The following FBXO33 variants were observed in gnomAD, a reference collection of about 807,000 sequenced individuals.
The protein encoded by FBXO33 is F-box protein 33, also known as F-box only protein 33.
In FBXO33, 22 loss-of-function variants were observed where a neutral mutation model predicts 46.3. The observed-to-expected ratio is 0.48, with a 90% CI of 0.34 to 0.68. The LOEUF (loss-of-function observed/expected upper bound fraction) is 0.68, where lower values mean the gene tolerates loss of function less well. Ranked by LOEUF, FBXO33 falls within the 30% of genes least tolerant of loss-of-function variation. The pLI, the probability that FBXO33 is intolerant of heterozygous loss-of-function variation, is 0.01. For synonymous variants in FBXO33, 337 were observed against 291.3 expected (o/e 1.16, Z -1.60); for missense variants, 692 against 708.8 (o/e 0.98, Z 0.27).
chr14:39,418,035 T>A (rs866235588), intron 1 of FBXO33, among the ~76,000 whole-genome samples: 4 of 143,616 alleles, frequency 2.8e-5, no homozygotes, highest in Admixed American at 6.7e-5. Flanking sequence ...TCTGGTGGAC[T>A]TTTTTTTTGT....
chr14:39,399,777 C>T lies in FBXO33; in HGVS notation c.1407G>A (p.Val469=). 6.3e-7 allele frequency: 1 copy of T among 1,591,298 alleles called. No homozygotes were observed. The highest frequency in any genetic ancestry group is 2.2e-5 in the East Asian group (1 of 44,512). ...CAATGGCAATGAGGTTGTGTGCCCA[C>T]ACCGTGTAACCTGAAAAATAAACAA... ...LSLLAIHGYT[V]WAHNLIAIAR... The change falls in exon 4 of 4, where the codon GTG becomes GTA. Residue 469 remains valine, a synonymous_variant. Coordinates refer to ENST00000298097, the MANE Select transcript of FBXO33 (RefSeq NM_203301.4).
At chr14:39,414,060 A>T (rs930962396) in intron 1 of FBXO33, among the ~76,000 whole-genome samples, 4 of 152,208 alleles carry the variant, frequency 2.6e-5, no homozygotes, top group Non-Finnish European at 2.9e-5. Flanking sequence ...TCTAGCTATC[A>T]AAGTCCTAGA....
intron 1 of FBXO33, among the ~76,000 whole-genome samples, chr14:39,417,600 G>A (rs2075454967): frequency 6.6e-6 from 1 of 151,312 alleles, no homozygotes; most frequent in African/African-American, 2.4e-5. Flanking sequence ...GCACGATCTT[G>A]GCTCACTGCA....
intron 1 of FBXO33, among the ~76,000 whole-genome samples, chr14:39,421,776 C>T (rs529072275): frequency 9.5e-6 from 1 of 104,938 alleles, no homozygotes; most frequent in Admixed American, 1.2e-4. Context: ...TATTTGAGTA[C>T]AAATCACACA....
chr14:39,422,515 G>C (rs1167400193), intron 1 of FBXO33, among the ~76,000 whole-genome samples: 1 of 152,202 alleles, frequency 6.6e-6, no homozygotes, highest in Non-Finnish European at 1.5e-5. Context: ...AAGAGTAAAA[G>C]TCAAAGTCCT....
intron 1 of FBXO33, among the ~76,000 whole-genome samples, chr14:39,403,803 CTTTT>C (rs36096381): frequency 7.2e-6 from 1 of 138,488 alleles, no homozygotes; most frequent in Non-Finnish European, 1.6e-5. Context: ...AATACCATTT[CTTTT>C]TTTTTTTTTT....
chr14:39,427,990 T>C (rs912927027), intron 1 of FBXO33, among the ~76,000 whole-genome samples: 1 of 152,084 alleles, frequency 6.6e-6, no homozygotes, highest in Non-Finnish European at 1.5e-5. Context: ...TAGGAAACAA[T>C]ACAAAGGTAA....
chr14:39,401,736 G>T lies in FBXO33; in HGVS notation c.836C>A (p.Thr279Asn), dbSNP rs1365419766. The change falls in exon 3 of 4, where the codon ACC (threonine) becomes AAC (asparagine). Residue 279 changes from threonine to asparagine, a missense_variant. By Grantham distance (65) the Thr-to-Asn change is moderately conservative (BLOSUM62 0). This residue lies in a region of FBXO33 where 412 missense variants were observed against 370.8 expected (regional missense o/e 1.11). Transcript: ENST00000298097. The stretch of plus-strand genomic sequence containing the variant: ...GTCCAGTAAACTGAGGTGCTCCATG[G>T]TGTTGGCAACAGCATTAGAGAGAGA... ...LSSLSNAVAN[T>N]MEHLSLLDNN... is the part of the protein sequence containing the mutation. 3 of 1,614,188 alleles carry T rather than the reference G, an allele frequency of 1.9e-6. No homozygotes were observed. The Admixed American group carries it at 5.0e-5, about 27-fold the overall frequency.
In FBXO33 at chr14:39,398,085, A is replaced by ATATC. The variant is rs1436956020; in HGVS notation, c.*1427_*1430dup. On this transcript the variant is annotated 3_prime_UTR_variant, in exon 4 of 4. Transcript: ENST00000298097. ...TAAACTTTTTTCCATAAATAGAATC[A>ATATC]TATCTGGACATCTGTTGCATAAATT... 1.3e-5 allele frequency: 2 copies of ATATC among 152,686 alleles called. No individual in the cohort carries two copies. Among genetic ancestry groups the ATATC allele is most frequent in the African/African-American group, 4.8e-5 (2 of 41,478 alleles). The allele number at this position is 152,686 out of a possible 1,614,324, so 9.5% of individuals were successfully genotyped here.
Position 39,431,921 on chromosome 14 carries a change from G to C in FBXO33, c.242C>G (p.Ser81Cys), listed in dbSNP as rs1345140328. ...CAGCCGGTCGGGCGCCGGCAGAAAA[G>C]AGAAGATGTGCACGATCAGCTCGCT... ...LPSELIVHIF[S>C]FLPAPDRLRA... Residue 81 changes from serine to cysteine, a missense_variant, in exon 1 of 4, where the codon TCT (serine) becomes TGT (cysteine). Around this residue, in one of 3 missense-constraint regions of FBXO33, gnomAD observed 412 missense variants for 370.8 expected, o/e 1.11. Coordinates refer to ENST00000298097, the MANE Select transcript of FBXO33 (RefSeq NM_203301.4). 1.3e-6 allele frequency: 2 copies of C among 1,538,248 alleles called. No individual in the cohort carries two copies. The highest frequency in any genetic ancestry group is 2.0e-5 in the Admixed American group (1 of 51,144).
intron 1 of FBXO33, among the ~76,000 whole-genome samples, chr14:39,426,376 G>A (rs1487594556): frequency 6.6e-6 from 1 of 151,842 alleles, no homozygotes; most frequent in Non-Finnish European, 1.5e-5. Flanking sequence ...ATCATCTCTT[G>A]CTTAGAGTAC....
chr14:39,400,231 G>A (rs2075362552), intron 3 of FBXO33, among the ~76,000 whole-genome samples: 1 of 152,180 alleles, frequency 6.6e-6, no homozygotes, highest in East Asian at 1.9e-4. Flanking sequence ...GCGAAGTTAT[G>A]TAGTGACACT....
intron 1 of FBXO33, among the ~76,000 whole-genome samples, chr14:39,420,649 T>C (rs1315143495): frequency 1.3e-5 from 2 of 151,968 alleles, no homozygotes; most frequent in South Asian, 2.1e-4. Context: ...CGAGATTGCG[T>C]CACTGCACTC....
chr14:39,428,628 G>A (rs2075528093), intron 1 of FBXO33, among the ~76,000 whole-genome samples: 1 of 152,080 alleles, frequency 6.6e-6, no homozygotes, highest in African/African-American at 2.4e-5. Context: ...ATGTGCCTAT[G>A]GCTACTCTTC....
chr14:39,404,413 G>A (rs931747925), intron 1 of FBXO33, among the ~76,000 whole-genome samples: 13 of 152,062 alleles, frequency 8.5e-5, no homozygotes, highest in African/African-American at 1.4e-4. Flanking sequence ...TGCAAGCTCC[G>A]CCTCCCGGGT....
rs762977259 is a variant in FBXO33, at chr14:39,398,171, C to CTACT, written c.*1341_*1344dup. On this transcript the variant is annotated 3_prime_UTR_variant, in exon 4 of 4. Transcript: ENST00000298097. ...CAGCACTGCTGGGCACCCAGGTTGG[C>CTACT]TACTTACTTTATTATTGCAGACTGT... 2 of 152,674 alleles carry CTACT rather than the reference C, an allele frequency of 1.3e-5. No individual in the cohort carries two copies. The highest frequency in any genetic ancestry group is 2.9e-5 in the Non-Finnish European group (2 of 68,052). The allele number at this position is 152,674 out of a possible 1,614,324, so 9.5% of individuals were successfully genotyped here.
intron 1 of FBXO33, 28 bp from the exon 2 acceptor site, chr14:39,402,539 T>TA: frequency 1.7e-6 from 2 of 1,151,094 alleles, no homozygotes; most frequent in Non-Finnish European, 2.4e-6. Context: ...TAAAATGATT[T>TA]GCTAAATAAT....
chr14:39,421,946 C>G (rs192085017), intron 1 of FBXO33, among the ~76,000 whole-genome samples: 1 of 152,308 alleles, frequency 6.6e-6, no homozygotes, highest in East Asian at 1.9e-4. Flanking sequence ...TATTCCACTT[C>G]TAGAAAACCT....
chr14:39,405,626 T>G (rs1442448885), intron 1 of FBXO33, among the ~76,000 whole-genome samples: 1 of 152,002 alleles, frequency 6.6e-6, no homozygotes, highest in Non-Finnish European at 1.5e-5. Flanking sequence ...GTGATACATT[T>G]TTGACTATAT....
Sources: allele counts gnomAD v4.1 joint callset (sites outside exome capture counted in the v4.1 genomes callset), GRCh38; gene constraint gnomAD v4.1.1; regional missense constraint gnomAD v4.1.1; transcripts MANE v1.5; gene names NCBI Gene and HGNC (gene_info 2026-07-23, HGNC 2026-07-21).